Variants in DMXL2 observed in about 807,000 individuals in gnomAD.
The protein encoded by DMXL2 is Dmx like 2.
DMXL2 carries 103 observed loss-of-function variants against 331.1 expected under a neutral mutation model. That is an observed-to-expected ratio of 0.31 (90% CI 0.27 to 0.37). The LOEUF (loss-of-function observed/expected upper bound fraction) is 0.37. DMXL2 is among the 10% of genes least tolerant of loss of function. DMXL2 has a pLI of 1.00. For synonymous variants in DMXL2, 1,281 were observed against 1,252.1 expected, an observed-to-expected ratio of 1.02 and a Z score of -0.49; for missense variants, 3,171 against 3,642.9, an observed-to-expected ratio of 0.87 and a Z score of 3.33.
chr15:51,464,780 G>A lies in DMXL2; in HGVS notation c.7703C>T (p.Pro2568Leu). 6.8e-6 allele frequency: 11 copies of A among 1,613,972 alleles called. No individual in the cohort carries two copies. The highest frequency in any genetic ancestry group is 8.5e-6 in the Non-Finnish European group (10 of 1,179,920). The change falls in exon 32 of 44, where the codon CCA becomes CTA. Residue 2568 changes from proline to leucine, a missense_variant. Pro to Leu is a moderately conservative substitution (Grantham distance 98). This residue lies in a region of DMXL2 where 766 missense variants were observed against 940.5 expected (regional missense o/e 0.81). Transcript: ENST00000560891. ...ATATGTGTTGATATAGTTAGGGGGT[G>A]GACCTTCAAACTGATCCATTTTCTC... Reference protein sequence around the residue: ...LQEKMDQFEGPPPNYINTYPT... With the variant: ...LQEKMDQFEGLPPNYINTYPT...
chr15:51,547,450 C>G (rs868102331), intron 6 of DMXL2, 42 bp from the exon 7 acceptor site: 3 of 1,390,628 alleles, frequency 2.2e-6, no homozygotes, highest in Admixed American at 2.7e-5. Context: ...TTTGTACATA[C>G]ACAATTCAAA....
Position 51,459,659 on chromosome 15 carries a change from G to A in DMXL2, c.7928C>T (p.Ser2643Phe), listed in dbSNP as rs982899026. 1.6e-5 allele frequency: 21 copies of A among 1,289,554 alleles called. No individual in the cohort carries two copies. The highest frequency in any genetic ancestry group is 1.9e-5 in the Non-Finnish European group (19 of 988,798). The allele number at this position is 1,289,554 out of a possible 1,614,324, so 79.9% of individuals were successfully genotyped here. The change falls in exon 34 of 44, where the codon TCT (serine) becomes TTT (phenylalanine). Residue 2643 changes from serine to phenylalanine, a missense_variant and splice_region_variant. By Grantham distance (155) the Ser-to-Phe change is radical (BLOSUM62 -2). Around this residue, in one of 7 missense-constraint regions of DMXL2, gnomAD observed 766 missense variants for 940.5 expected, o/e 0.81. Transcript: ENST00000560891. Reference sequence around the variant, plus strand: ...GACCTGCTCCACATGTTCTTCTATAGACTAAATACCACCACACCGTCACAA... The same window carrying A: ...GACCTGCTCCACATGTTCTTCTATAAACTAAATACCACCACACCGTCACAA... Reference protein sequence around the residue: ...IFTKKRKQSESIEEHVEQVNQ... With the variant: ...IFTKKRKQSEFIEEHVEQVNQ...
chr15:51,568,708 G>A (rs1028738713), intron 2 of DMXL2, 150 bp from the exon 3 acceptor site: 1 of 593,786 alleles, frequency 1.7e-6, no homozygotes, highest in African/African-American at 2.0e-5. Context: ...GAAGTGTACT[G>A]GAGTTAAGAG....
At chr15:51,528,036 G>C (rs1278050030) in intron 13 of DMXL2, among the ~76,000 whole-genome samples, 1 of 151,386 alleles carries the variant, frequency 6.6e-6, no homozygotes, top group East Asian at 1.9e-4. Context: ...TGGGTTGTAA[G>C]GTAATATTTG....
intron 23 of DMXL2, among the ~76,000 whole-genome samples, chr15:51,485,794 G>T (rs925860005): frequency 1.3e-5 from 2 of 151,936 alleles, no homozygotes; most frequent in African/African-American, 4.8e-5. Flanking sequence ...ACCAATACGT[G>T]TAACAGCCAA....
rs79362426 is a variant in DMXL2, at chr15:51,480,512, C to T, written c.6564+30G>A. 8.9e-4 allele frequency: 1,322 copies of T among 1,477,860 alleles called. 14 individuals carry two copies. The African/African-American group carries it at 0.017, about 19-fold the overall frequency. 91.5% of individuals were successfully genotyped at this position (1,477,860 alleles called of 1,614,324 possible). A position where few individuals can be genotyped will look rare whatever the true frequency, so the allele number is the denominator to read the frequency against. ...AGAGCTACTGAAATTACTGAAATAA[C>T]CAAGATTGAAAAAAAAGTGATATTC... On this transcript the variant is annotated intron_variant, in intron 24 of 43. Coordinates refer to ENST00000560891, the MANE Select transcript of DMXL2 (RefSeq NM_001378457.1).
intron 17 of DMXL2, among the ~76,000 whole-genome samples, chr15:51,501,529 T>TA (rs2043603124): frequency 6.6e-6 from 1 of 152,254 alleles, no homozygotes; most frequent in African/African-American, 2.4e-5. Context: ...TCTTAAATTT[T>TA]AAAAAAAGCC....
intron 1 of DMXL2, among the ~76,000 whole-genome samples, chr15:51,617,774 C>T (rs186076955): frequency 2.6e-5 from 4 of 152,296 alleles, no homozygotes; most frequent in Admixed American, 2.6e-4. Flanking sequence ...CAACACCATA[C>T]AAGTAGTTGG....
chr15:51,605,345 C>T (rs1207859504), intron 1 of DMXL2, among the ~76,000 whole-genome samples: 3 of 151,892 alleles, frequency 2.0e-5, no homozygotes, highest in Non-Finnish European at 4.4e-5. Context: ...GGACTACAGG[C>T]GTGTGCCACC....
chr15:51,547,560 TAA>T, intron 6 of DMXL2, 152 bp from the exon 7 acceptor site: 1 of 501,556 alleles, frequency 2.0e-6, no homozygotes, highest in Non-Finnish European at 3.4e-6. Context: ...TACATTACTT[TAA>T]AGAAAACTAT....
At chr15:51,616,468 A>C (rs1230305867) in intron 1 of DMXL2, among the ~76,000 whole-genome samples, 1 of 152,222 alleles carries the variant, frequency 6.6e-6, no homozygotes, top group African/African-American at 2.4e-5. Context: ...TTTAAGAGAG[A>C]GTGAATATAG....
chr15:51,553,020 G>C (rs535983751), intron 6 of DMXL2, among the ~76,000 whole-genome samples: 1 of 152,144 alleles, frequency 6.6e-6, no homozygotes, highest in Non-Finnish European at 1.5e-5. Flanking sequence ...TGTCTCCTTC[G>C]TAGTATTCAA....
intron 1 of DMXL2, among the ~76,000 whole-genome samples, chr15:51,588,778 T>A (rs2052058735): frequency 6.6e-6 from 1 of 152,216 alleles, no homozygotes; most frequent in Non-Finnish European, 1.5e-5. Flanking sequence ...AAGAGCATAT[T>A]CCTGAGAATC....
rs376919968 is a variant in DMXL2, at chr15:51,571,159, T to G, written c.214-2601A>C. Among the ~76,000 whole-genome samples, 11 of 152,254 alleles carry G rather than the reference T, an allele frequency of 7.2e-5. No homozygotes were observed. The East Asian group carries it at 1.3e-3, about 19-fold the overall frequency. On this transcript the variant is annotated intron_variant, in intron 2 of 43. Coordinates refer to ENST00000560891, the MANE Select transcript of DMXL2 (RefSeq NM_001378457.1). ...TCATAGTCTCTGATAAAACAGACTT[T>G]AAATCAACAAAGATCAAAAGAGACA...
chr15:51,488,322 A>G (rs1291181632), intron 21 of DMXL2, among the ~76,000 whole-genome samples: 1 of 152,252 alleles, frequency 6.6e-6, no homozygotes, highest in Non-Finnish European at 1.5e-5. Context: ...AATAGGAAAC[A>G]GCATTTTTTA....
chr15:51,574,095 A>G (rs150282468), intron 2 of DMXL2, among the ~76,000 whole-genome samples: 163 of 152,250 alleles, frequency 1.1e-3, no homozygotes, highest in African/African-American at 3.7e-3. Context: ...TAGAGGAAGG[A>G]ATACAAAAAA....
intron 1 of DMXL2, among the ~76,000 whole-genome samples, chr15:51,595,891 C>T (rs202140861): frequency 0.48 from 72,844 of 151,918 alleles, 17,818 homozygotes; most frequent in Non-Finnish European, 0.52. Flanking sequence ...AACTGGATCC[C>T]TTCCTTACAC....
In DMXL2 at chr15:51,545,984, T is replaced by C. The variant is rs185233460; in HGVS notation, c.747-218A>G. Among the ~76,000 whole-genome samples the C allele has an allele frequency of 5.8e-4, 89 of 152,312 alleles. 1 individual carries two copies. Among genetic ancestry groups the C allele is most frequent in the Non-Finnish European group, 1.5e-4 (10 of 68,018 alleles). ...AGAAACAGAAATTACTGCCAGATTA[T>C]ACATTCAGGCTCTAGAGGATTATTA... is the stretch of plus-strand genomic sequence containing the variant. On this transcript the variant is annotated intron_variant, in intron 7 of 43. Transcript: ENST00000560891.
intron 33 of DMXL2, chr15:51,459,915 T>A: frequency 8.9e-7 from 1 of 1,126,402 alleles, no homozygotes; most frequent in Non-Finnish European, 1.1e-6. Context: ...AAATTAGTTA[T>A]CTGTATACAG....
Sources: allele counts gnomAD v4.1 joint callset (sites outside exome capture counted in the v4.1 genomes callset), GRCh38; gene constraint gnomAD v4.1.1; regional missense constraint gnomAD v4.1.1; transcripts MANE v1.5; gene names NCBI Gene and HGNC (gene_info 2026-07-23, HGNC 2026-07-21).